Variants in ERC2 observed in about 807,000 individuals in gnomAD.
ERC2 encodes the protein ELKS/RAB6-interacting/CAST family member 2.
Under a neutral mutation model 114.8 loss-of-function variants are expected in ERC2, and 42 were observed. The observed-to-expected ratio is 0.37, with a 90% CI of 0.29 to 0.47. The LOEUF is 0.47. ERC2 is among the 20% of genes least tolerant of loss of function. The probability of loss-of-function intolerance (pLI) is 0.99; values close to 1 mark genes in which losing one functional copy is unlikely to be tolerated. For missense variants in ERC2, 939 were observed against 1,150.7 expected, an observed-to-expected ratio of 0.82 and a Z score of 2.66; for synonymous variants, 454 against 425.5, an observed-to-expected ratio of 1.07 and a Z score of -0.82.
intron 2 of ERC2, among the ~76,000 whole-genome samples, chr3:56,418,858 G>C (rs2061275906): frequency 6.6e-6 from 1 of 152,186 alleles, no homozygotes; most frequent in South Asian, 2.1e-4. Context: ...ATGTTAGGAG[G>C]ATACTGTGCC....
chr3:55,685,432 C>T (rs372303845), intron 16 of ERC2, among the ~76,000 whole-genome samples: 1 of 152,174 alleles, frequency 6.6e-6, no homozygotes, highest in African/African-American at 2.4e-5. Context: ...AATAATTGCT[C>T]TTGCCAAGAA....
intron 7 of ERC2, among the ~76,000 whole-genome samples, chr3:56,055,286 A>C (rs2149694310): frequency 6.6e-6 from 1 of 152,298 alleles, no homozygotes; most frequent in African/African-American, 2.4e-5. Flanking sequence ...CCTGATGGGG[A>C]GGGCAGACTT....
At chr3:56,302,053 G>A (rs2055913630) in intron 2 of ERC2, among the ~76,000 whole-genome samples, 1 of 152,088 alleles carries the variant, frequency 6.6e-6, no homozygotes, top group Non-Finnish European at 1.5e-5. Context: ...CTGCTGCCAG[G>A]GAATAGGAAC....
At chr3:56,441,244 G>C (rs1386121808) in intron 1 of ERC2, among the ~76,000 whole-genome samples, 4 of 152,194 alleles carry the variant, frequency 2.6e-5, no homozygotes, top group Non-Finnish European at 4.4e-5. Context: ...ACCCAGCCAA[G>C]AGTCAGCACC....
At chr3:56,152,761 C>T (rs1386341239) in intron 4 of ERC2, among the ~76,000 whole-genome samples, 1 of 152,108 alleles carries the variant, frequency 6.6e-6, no homozygotes, top group African/African-American at 2.4e-5. Context: ...TCATTTCTTT[C>T]TACACATTCA....
At chr3:56,290,044 C>T (rs961108331) in intron 3 of ERC2, among the ~76,000 whole-genome samples, 1 of 152,098 alleles carries the variant, frequency 6.6e-6, no homozygotes, top group African/African-American at 2.4e-5. Flanking sequence ...TGAACAAGAC[C>T]ACAAAATTGC....
chr3:55,776,656 T>C (rs2149040099), intron 14 of ERC2, among the ~76,000 whole-genome samples: 1 of 152,254 alleles, frequency 6.6e-6, no homozygotes, highest in African/African-American at 2.4e-5. Context: ...TGGGTTGAAA[T>C]ATTAACTCCA....
At chr3:56,158,789 C>A (rs1260210883) in intron 4 of ERC2, among the ~76,000 whole-genome samples, 1 of 146,140 alleles carries the variant, frequency 6.8e-6, no homozygotes, top group Non-Finnish European at 1.5e-5. Flanking sequence ...CTGATTATGG[C>A]TTTTCTTTTA....
At chr3:55,773,819 CTG>C (rs1427825711) in intron 14 of ERC2, among the ~76,000 whole-genome samples, 1 of 152,176 alleles carries the variant, frequency 6.6e-6, no homozygotes, top group African/African-American at 2.4e-5. Flanking sequence ...CAGAGAAAAA[CTG>C]TAAGTATATT....
At chr3:55,758,466 C>T (rs571366617) in intron 14 of ERC2, among the ~76,000 whole-genome samples, 1 of 152,312 alleles carries the variant, frequency 6.6e-6, no homozygotes, top group South Asian at 2.1e-4. Context: ...CGGGTATCAC[C>T]AAAGGTGAGG....
chr3:56,457,293 T>C (rs1247482764), intron 1 of ERC2, among the ~76,000 whole-genome samples: 5 of 152,190 alleles, frequency 3.3e-5, no homozygotes, highest in Non-Finnish European at 7.3e-5. Flanking sequence ...ACTGCAGATC[T>C]TTCACCAGCA....
intron 2 of ERC2, among the ~76,000 whole-genome samples, chr3:56,407,848 C>T (rs1049323328): frequency 6.6e-6 from 1 of 152,146 alleles, no homozygotes; most frequent in African/African-American, 2.4e-5. Flanking sequence ...TCCCATCATA[C>T]TGCCCGTCAC....
rs1302814952 is a variant in ERC2, at chr3:55,975,649, G to A, written c.2267+10328C>T. ...TCTCTCCAGCACAGAGATGGTTCAG[G>A]ATTAATCCTCCCAGAAGATACTCCT... is the stretch of plus-strand genomic sequence containing the variant. On this transcript the variant is annotated intron_variant, in intron 12 of 17. Transcript: ENST00000288221. Among the ~76,000 whole-genome samples, 3 of 152,258 alleles carry A rather than the reference G, an allele frequency of 2.0e-5. No individual in the cohort carries two copies. The East Asian group carries it at 5.8e-4, about 29-fold the overall frequency.
intron 14 of ERC2, among the ~76,000 whole-genome samples, chr3:55,751,415 A>G (rs79763698): frequency 0.015 from 2,305 of 152,292 alleles, 31 homozygotes; most frequent in East Asian, 0.04. Context: ...TCTTTAGGAA[A>G]ATTATTTCTA....
rs759929094 is a variant in ERC2, at chr3:55,683,863, C to A, written c.2848-4G>T. ...CCCATATGCCCTCCTCGTCATCCTG[C>A]GGCCGGCCCGAGGTGGGGAGGTGCA... On this transcript the variant is annotated splice_region_variant and splice_polypyrimidine_tract_variant and intron_variant, in intron 16 of 17. Transcript: ENST00000288221. 3.1e-6 allele frequency: 5 copies of A among 1,610,954 alleles called. No homozygotes were observed. In the Admixed American group the frequency reaches 6.7e-5, roughly 22 times the overall value.
At chr3:55,742,963 T>C (rs1398425336) in intron 14 of ERC2, among the ~76,000 whole-genome samples, 1 of 152,174 alleles carries the variant, frequency 6.6e-6, no homozygotes, top group Non-Finnish European at 1.5e-5. Context: ...CAGGGTGAGA[T>C]ATATTTGAAC....
intron 1 of ERC2, among the ~76,000 whole-genome samples, chr3:56,460,722 A>G (rs1226670317): frequency 6.6e-6 from 1 of 152,210 alleles, no homozygotes; most frequent in Non-Finnish European, 1.5e-5. Context: ...CAAAGTAGAT[A>G]CTCAATAAAT....
intron 14 of ERC2, among the ~76,000 whole-genome samples, chr3:55,871,775 A>G (rs1292179483): frequency 2.0e-5 from 3 of 152,184 alleles, no homozygotes; most frequent in African/African-American, 7.2e-5. Context: ...TCCCCATATA[A>G]TACCACCAAA....
intron 2 of ERC2, among the ~76,000 whole-genome samples, chr3:56,418,479 A>G (rs2061258698): frequency 6.6e-6 from 1 of 152,056 alleles, no homozygotes; most frequent in African/African-American, 2.4e-5. Context: ...CCTGGGTTCA[A>G]CCCTAGCTTT....
Sources: allele counts gnomAD v4.1 joint callset (sites outside exome capture counted in the v4.1 genomes callset), GRCh38; gene constraint gnomAD v4.1.1; transcripts MANE v1.5; gene names NCBI Gene and HGNC (gene_info 2026-07-23, HGNC 2026-07-21).